The following ADAMTS12 variants were observed in gnomAD, a reference collection of about 807,000 sequenced individuals.
ADAMTS12 encodes A disintegrin and metalloproteinase with thrombospondin motifs 12.
A neutral mutation model predicts 167.8 loss-of-function variants in ADAMTS12; 118 were observed. That is an observed-to-expected ratio of 0.70 (90% CI 0.61 to 0.82). The LOEUF (loss-of-function observed/expected upper bound fraction) is 0.82. Ranked by LOEUF, ADAMTS12 falls within the 40% of genes least tolerant of loss-of-function variation. ADAMTS12 has a pLI of 0.00. For missense variants in ADAMTS12, 1,916 were observed against 1,998.8 expected, an observed-to-expected ratio of 0.96 and a Z score of 0.79; for synonymous variants, 704 against 716.9, an observed-to-expected ratio of 0.98 and a Z score of 0.29.
chr5:33,729,708 C>T lies in ADAMTS12; in HGVS notation c.634+21696G>A, dbSNP rs150610045. Among the ~76,000 whole-genome samples, 299 of 152,256 alleles carry T rather than the reference C, an allele frequency of 2.0e-3. 2 individuals are homozygous for T. Among genetic ancestry groups the T allele is most frequent in the African/African-American group, 6.7e-3 (279 of 41,536 alleles). ...GTTCTGAAAAGTCAGAGGCATCACC[C>T]GATGCCTCTGGGATGCTGGAGACTG... On this transcript the variant is annotated intron_variant, in intron 3 of 23. Transcript: ENST00000504830.
intron 5 of ADAMTS12, among the ~76,000 whole-genome samples, chr5:33,682,443 T>C (rs1003705702): frequency 1.3e-5 from 2 of 152,238 alleles, no homozygotes; most frequent in African/African-American, 4.8e-5. Flanking sequence ...ACGTATCAAT[T>C]GAGGGTCTCA....
chr5:33,648,212 C>T (rs10042292), intron 9 of ADAMTS12, among the ~76,000 whole-genome samples: 86,042 of 152,012 alleles, frequency 0.57, 25,017 homozygotes, highest in East Asian at 0.67. Flanking sequence ...GAGTAGACCA[C>T]GGTTACATTG....
chr5:33,565,644 C>A (rs1294313075), intron 19 of ADAMTS12, among the ~76,000 whole-genome samples: 1 of 149,102 alleles, frequency 6.7e-6, no homozygotes, highest in South Asian at 2.1e-4. Context: ...AGCTGTTAAT[C>A]GTTCCACCAC....
At chr5:33,849,571 GTGTATTGCATAGCAATACACATA>G (rs1324705844) in intron 2 of ADAMTS12, among the ~76,000 whole-genome samples, 24 of 97,122 alleles carry the variant, frequency 2.5e-4, no homozygotes, top group Admixed American at 8.5e-4. Context: ...CAATACACAT[GTGTATTGCATAGCAATACACATA>G]TGTATTGCAT....
Position 33,648,941 on chromosome 5 carries a change from C to T in ADAMTS12, c.1360G>A (p.Asp454Asn). Reference sequence around the variant, plus strand: ...TTCAAGCCTTTCTTTTTAGGTATGTCATCAAGACAGAACCCCCAGCCTCGG... The same window carrying T: ...TTCAAGCCTTTCTTTTTAGGTATGTTATCAAGACAGAACCCCCAGCCTCGG... The part of the protein sequence containing the change: ...LDRGWGFCLD[D>N]IPKKKGLKSK... The change falls in exon 9 of 24, where the codon GAC becomes AAC. Residue 454 changes from aspartate to asparagine, a missense_variant. Transcript: ENST00000504830. 6.2e-7 allele frequency: 1 copy of T among 1,614,028 alleles called. No homozygotes were observed. Among genetic ancestry groups the T allele is most frequent in the Non-Finnish European group, 8.5e-7 (1 of 1,179,922 alleles).
Position 33,613,776 on chromosome 5 carries a change from G to T in ADAMTS12, c.2527+462C>A, listed in dbSNP as rs1025113157. Among the ~76,000 whole-genome samples, 6 of 152,180 alleles carry T rather than the reference G, an allele frequency of 3.9e-5. No individual in the cohort carries two copies. In the South Asian group the frequency reaches 1.2e-3, roughly 32 times the overall value. On this transcript the variant is annotated intron_variant, in intron 16 of 23. Transcript: ENST00000504830. ...CCAGTGCTTGATTTTGTGAGAGTAA[G>T]CTACTCCTCTGCTATATGTATAAAA...
chr5:33,624,797 G>C (rs1174632665), intron 13 of ADAMTS12, among the ~76,000 whole-genome samples: 1 of 152,162 alleles, frequency 6.6e-6, no homozygotes, highest in East Asian at 1.9e-4. Context: ...AGCCGTATCT[G>C]ACCTTCACCT....
chr5:33,602,604 C>T (rs142340054), intron 16 of ADAMTS12, among the ~76,000 whole-genome samples: 1 of 152,312 alleles, frequency 6.6e-6, no homozygotes, highest in East Asian at 1.9e-4. Context: ...AAGTATCTGA[C>T]TCTGAGTTTC....
intron 1 of ADAMTS12, among the ~76,000 whole-genome samples, chr5:33,886,622 C>A (rs1750646727): frequency 6.6e-6 from 1 of 152,146 alleles, no homozygotes; most frequent in Non-Finnish European, 1.5e-5. Context: ...AGTGCTTCAC[C>A]TCTTTACACC....
At chr5:33,599,221 T>G (rs563676950) in intron 16 of ADAMTS12, among the ~76,000 whole-genome samples, 1 of 152,318 alleles carries the variant, frequency 6.6e-6, no homozygotes, top group South Asian at 2.1e-4. Context: ...GGGGTGGATG[T>G]TTTACTACAC....
chr5:33,680,463 T>C (rs1742068957), intron 5 of ADAMTS12, among the ~76,000 whole-genome samples: 1 of 149,426 alleles, frequency 6.7e-6, no homozygotes, highest in Non-Finnish European at 1.5e-5. Flanking sequence ...ATGAAAGCAG[T>C]TCAAACCCAG....
At position 33,546,183 on chromosome 5, in the gene ADAMTS12, C is replaced by T. The variant is rs754072330; in HGVS notation, c.4322G>A (p.Gly1441Asp). 3 of 1,613,408 alleles carry T rather than the reference C, an allele frequency of 1.9e-6. No individual in the cohort carries two copies. The highest frequency in any genetic ancestry group is 1.7e-6 in the Non-Finnish European group (2 of 1,179,774). ...GAACACTCCTCTCTCCTGAACTCCA[C>T]CTCCACAGGACCTGGAGCACTGATA... Reference protein sequence around the residue: ...PWSQCSRSCGGGVQERGVFCP... With the variant: ...PWSQCSRSCGDGVQERGVFCP... The change falls in exon 22 of 24, where the codon GGT (glycine) becomes GAT (aspartate). Residue 1441 changes from glycine to aspartate, a missense_variant. Transcript: ENST00000504830.
Position 33,848,132 on chromosome 5 carries a change from G to A in ADAMTS12, c.489+32987C>T, listed in dbSNP as rs560125719. 5.9e-5 allele frequency among the ~76,000 whole-genome samples: 9 copies of A among 151,846 alleles called. No homozygotes were observed. The South Asian group carries it at 1.0e-3, about 18-fold the overall frequency. On this transcript the variant is annotated intron_variant, in intron 2 of 23. Coordinates refer to ENST00000504830, the MANE Select transcript of ADAMTS12 (RefSeq NM_030955.4). Reference sequence around the variant, plus strand: ...CTCAGGAGGCTGAGGCAGGAGAGTCGCTTGAATCCAGGAGGCGGAGGTTGC... The same window carrying A: ...CTCAGGAGGCTGAGGCAGGAGAGTCACTTGAATCCAGGAGGCGGAGGTTGC...
At chr5:33,661,258 T>C (rs1407875202) in intron 6 of ADAMTS12, among the ~76,000 whole-genome samples, 1 of 152,196 alleles carries the variant, frequency 6.6e-6, no homozygotes, top group Non-Finnish European at 1.5e-5. Context: ...ATTGAATCAA[T>C]GAGCAAACAT....
intron 13 of ADAMTS12, 95 bp downstream of exon 13, chr5:33,630,685 A>T: frequency 7.3e-7 from 1 of 1,361,512 alleles, no homozygotes; most frequent in African/African-American, 1.5e-5. Context: ...TGAGGTGTAA[A>T]TGCTGTGAAA....
chr5:33,783,560 G>A (rs750122026), intron 2 of ADAMTS12, among the ~76,000 whole-genome samples: 11 of 151,842 alleles, frequency 7.2e-5, no homozygotes, highest in South Asian at 2.1e-4. Context: ...TATCTGCCCC[G>A]CAGAAATTAA....
intron 3 of ADAMTS12, among the ~76,000 whole-genome samples, chr5:33,732,709 G>A (rs1207885884): frequency 6.6e-6 from 1 of 152,066 alleles, no homozygotes; most frequent in Non-Finnish European, 1.5e-5. Flanking sequence ...TTAGTGTTAC[G>A]TTTTGGAGGA....
At chr5:33,867,115 A>G (rs1229530285) in intron 2 of ADAMTS12, among the ~76,000 whole-genome samples, 1 of 152,096 alleles carries the variant, frequency 6.6e-6, no homozygotes. Flanking sequence ...CTGTGTATCT[A>G]CTCAAAGGAA....
chr5:33,555,604 C>T lies in ADAMTS12; in HGVS notation c.4125+5423G>A, dbSNP rs191556159. Among the ~76,000 whole-genome samples, 200 of 152,204 alleles carry T rather than the reference C, an allele frequency of 1.3e-3. 1 individual carries two copies. The highest frequency in any genetic ancestry group is 4.6e-3 in the African/African-American group (191 of 41,514). On this transcript the variant is annotated intron_variant, in intron 20 of 23. Transcript: ENST00000504830. ...CGGCATGTGTCCTACAACTGATATACGTATTAATTGTGTAGTGTTTCATTT... is the reference window on the plus strand; with the variant it reads ...CGGCATGTGTCCTACAACTGATATATGTATTAATTGTGTAGTGTTTCATTT...
Sources: gnomAD v4.1 joint callset for allele counts (sites outside exome capture counted in the v4.1 genomes callset) on GRCh38, gnomAD v4.1.1 for gene constraint, MANE v1.5 for transcripts, NCBI Gene and HGNC (gene_info 2026-07-23, HGNC 2026-07-21) for gene names.